The following SYNE1 variants were observed in gnomAD, a reference collection of about 807,000 sequenced individuals.
SYNE1 encodes the protein nesprin-1.
SYNE1 carries 616 observed loss-of-function variants against 1,111.0 expected under a neutral mutation model. That is an observed-to-expected ratio of 0.55 (90% CI 0.52 to 0.59). The LOEUF (loss-of-function observed/expected upper bound fraction) is 0.59, where lower values mean the gene tolerates loss of function less well. Among genes scored for constraint, SYNE1 ranks in the 20% least tolerant of loss-of-function variants. The pLI, the probability that SYNE1 is intolerant of heterozygous loss-of-function variation, is 0.00. For synonymous variants in SYNE1, 3,855 were observed against 3,825.8 expected, an observed-to-expected ratio of 1.01 and a Z score of -0.28; for missense variants, 10,006 against 10,417.0, an observed-to-expected ratio of 0.96 and a Z score of 1.72.
At chr6:152,443,723 A>T (rs80111006) in intron 30 of SYNE1, among the ~76,000 whole-genome samples, 3,808 of 152,280 alleles carry the variant, frequency 0.025, 180 homozygotes, top group African/African-American at 0.087. Flanking sequence ...CCATTTTGCT[A>T]CTGTGTATCA....
intron 64 of SYNE1, among the ~76,000 whole-genome samples, chr6:152,359,793 C>T (rs1197538241): frequency 6.6e-6 from 1 of 151,900 alleles, no homozygotes; most frequent in East Asian, 1.9e-4. Flanking sequence ...TACCCCAGCC[C>T]CCATGAAGCC....
chr6:152,605,886 A>C (rs980747732), intron 3 of SYNE1, among the ~76,000 whole-genome samples: 2 of 152,176 alleles, frequency 1.3e-5, no homozygotes, highest in African/African-American at 2.4e-5. Context: ...TTTTAAATAA[A>C]ATAGGCGGAG....
chr6:152,320,693 G>A (rs762745845), intron 84 of SYNE1, among the ~76,000 whole-genome samples: 1 of 152,150 alleles, frequency 6.6e-6, no homozygotes, highest in Non-Finnish European at 1.5e-5. Context: ...GTTATAGACA[G>A]GATTATGTTT....
chr6:152,209,519 G>A (rs1215342140), intron 124 of SYNE1, among the ~76,000 whole-genome samples: 1 of 152,142 alleles, frequency 6.6e-6, no homozygotes, highest in Non-Finnish European at 1.5e-5. Flanking sequence ...GGAGGCCGAG[G>A]TGGGTGGATC....
chr6:152,372,891 T>G, intron 59 of SYNE1, 146 bp downstream of exon 59: 1 of 852,780 alleles, frequency 1.2e-6, no homozygotes, highest in South Asian at 1.4e-5. Context: ...TATTCCTTAC[T>G]GTTAGCCCAT....
At chr6:152,554,568 G>A (rs2099358771) in intron 3 of SYNE1, among the ~76,000 whole-genome samples, 1 of 152,056 alleles carries the variant, frequency 6.6e-6, no homozygotes, top group Non-Finnish European at 1.5e-5. Context: ...TTTTTTATCA[G>A]TTTCTTACTA....
At chr6:152,395,485 G>A in intron 51 of SYNE1, 31 bp downstream of exon 51, 1 of 1,605,718 alleles carries the variant, frequency 6.2e-7, no homozygotes, top group South Asian at 1.1e-5. Flanking sequence ...ATGGTAAGAG[G>A]TAAAGGACCT....
intron 101 of SYNE1, 72 bp downstream of exon 101, chr6:152,261,960 A>G: frequency 5.5e-6 from 7 of 1,265,022 alleles, no homozygotes; most frequent in Non-Finnish European, 7.5e-6. Flanking sequence ...AGTTGATTGC[A>G]CAGTTATAAT....
chr6:152,174,301 C>T lies in SYNE1; in HGVS notation c.23627+2093G>A, dbSNP rs149245806. Among the ~76,000 whole-genome samples the T allele has an allele frequency of 9.9e-5, 15 of 152,278 alleles. No individual in the cohort carries two copies. In the East Asian group the frequency reaches 2.9e-3, roughly 29 times the overall value. On this transcript the variant is annotated intron_variant, in intron 130 of 145. Transcript: ENST00000367255. Reference sequence around the variant, plus strand: ...TCCTTCTGAAACAGGATTTTGTTATCATTTTAGTGAGGGAGAAGTGGGACT... The same window carrying T: ...TCCTTCTGAAACAGGATTTTGTTATTATTTTAGTGAGGGAGAAGTGGGACT...
Position 152,376,853 on chromosome 6 carries a change from C to T in SYNE1, c.9069G>A (p.Leu3023=). The T allele has an allele frequency of 6.2e-7, 1 of 1,614,114 alleles. No individual in the cohort carries two copies. Among genetic ancestry groups the T allele is most frequent in the Non-Finnish European group, 8.5e-7 (1 of 1,180,010 alleles). ...EPRTEDLKSQ[L]NELCRFSRDL... ...CTCTGGAAAATCGACAAAGTTCATT[C>T]AGCTGAGACTTGAGATCCTCTGTTC... Residue 3023 remains leucine, a synonymous_variant, in exon 57 of 146, where the codon CTG becomes CTA. Coordinates refer to ENST00000367255, the MANE Select transcript of SYNE1 (RefSeq NM_182961.4).
intron 131 of SYNE1, among the ~76,000 whole-genome samples, chr6:152,162,685 T>A (rs1241185011): frequency 1.3e-5 from 2 of 152,304 alleles, no homozygotes; most frequent in Admixed American, 1.3e-4. Context: ...ACAGTTTTTT[T>A]AAAGCAATGG....
At chr6:152,127,934 T>A (rs1196463754) in intron 145 of SYNE1, 1 of 152,178 alleles carries the variant, frequency 6.6e-6, no homozygotes, top group East Asian at 1.9e-4. Flanking sequence ...ATTTGCCACT[T>A]CTCATTCCAT....
chr6:152,436,126 G>C, intron 32 of SYNE1, 25 bp from the exon 33 acceptor site: 1 of 1,611,822 alleles, frequency 6.2e-7, no homozygotes, highest in Non-Finnish European at 8.5e-7. Flanking sequence ...ATGATCATTA[G>C]GTAGGCACTT....
Position 152,463,386 on chromosome 6 carries a change from C to G in SYNE1, c.2064G>C (p.Gly688=), listed in dbSNP as rs749238281. 6.2e-6 allele frequency: 10 copies of G among 1,613,684 alleles called. No individual in the cohort carries two copies. The East Asian group carries it at 1.6e-4, about 25-fold the overall frequency. ...CTTCCATAAACAACTCCCTCCACCG[C>G]CCATTTAGCAACAGTAATTGCTGCT... is the stretch of plus-strand genomic sequence containing the variant. ...DLKQQLLLLN[G]RWRELFMEVK... Residue 688 remains glycine, a synonymous_variant, in exon 19 of 146, where the codon GGG becomes GGC. Transcript: ENST00000367255.
intron 91 of SYNE1, among the ~76,000 whole-genome samples, chr6:152,308,260 A>G (rs2095439823): frequency 6.6e-6 from 1 of 152,218 alleles, no homozygotes; most frequent in Non-Finnish European, 1.5e-5. Flanking sequence ...CCCAAAGGAT[A>G]TAATACGAAC....
intron 43 of SYNE1, 88 bp downstream of exon 43, chr6:152,409,471 T>C (rs758895828): frequency 3.0e-5 from 46 of 1,530,606 alleles, no homozygotes; most frequent in Non-Finnish European, 4.1e-5. Flanking sequence ...CTAAGTATAC[T>C]GATAAGAATA....
chr6:152,537,805 C>T (rs998739672), intron 4 of SYNE1, among the ~76,000 whole-genome samples: 5 of 152,252 alleles, frequency 3.3e-5, no homozygotes, highest in Non-Finnish European at 1.5e-5. Context: ...TGAACAGCTC[C>T]CAGTGCTCCC....
chr6:152,434,739 A>C (rs1037365056), intron 33 of SYNE1: 2 of 152,010 alleles, frequency 1.3e-5, no homozygotes, highest in African/African-American at 2.4e-5. Flanking sequence ...ACAGTATATA[A>C]TTGAACTAGT....
intron 49 of SYNE1, among the ~76,000 whole-genome samples, chr6:152,398,072 G>A (rs954095568): frequency 6.6e-6 from 1 of 151,648 alleles, no homozygotes; most frequent in African/African-American, 2.4e-5. Context: ...TTAGCTGCTT[G>A]ACAAGCTTGG....
Sources: gnomAD v4.1 joint callset for allele counts (sites outside exome capture counted in the v4.1 genomes callset) on GRCh38, gnomAD v4.1.1 for gene constraint, MANE v1.5 for transcripts, NCBI Gene and HGNC (gene_info 2026-07-23, HGNC 2026-07-21) for gene names.